The following HERC3 variants were observed in gnomAD, a reference collection of about 807,000 sequenced individuals.
HERC3 encodes the protein HECT and RLD domain containing E3 ubiquitin protein ligase 3.
HERC3 carries 58 observed loss-of-function variants against 129.9 expected under a neutral mutation model. The observed-to-expected ratio is 0.45, with a 90% confidence interval of 0.36 to 0.56. The LOEUF is 0.56. Among genes scored for constraint, HERC3 ranks in the 20% least tolerant of loss-of-function variants. HERC3 has a pLI of 0.00. For missense variants in HERC3, 835 were observed against 1,244.2 expected, an observed-to-expected ratio of 0.67 and a Z score of 4.95; for synonymous variants, 430 against 451.0, an observed-to-expected ratio of 0.95 and a Z score of 0.59.
chr4:88,688,588 A>G (rs1003790319), intron 23 of HERC3, among the ~76,000 whole-genome samples: 1 of 152,202 alleles, frequency 6.6e-6, no homozygotes, highest in African/African-American at 2.4e-5. Context: ...ACTAATAGGA[A>G]ACAGAGTCTA....
intron 2 of HERC3, among the ~76,000 whole-genome samples, chr4:88,603,052 A>G (rs1158620232): frequency 6.6e-6 from 1 of 152,102 alleles, no homozygotes; most frequent in South Asian, 2.1e-4. Context: ...TGGGATTCTC[A>G]AAAGTAGTTA....
At chr4:88,642,906 G>A (rs1728272802) in intron 3 of HERC3, among the ~76,000 whole-genome samples, 1 of 151,880 alleles carries the variant, frequency 6.6e-6, no homozygotes, top group Non-Finnish European at 1.5e-5. Flanking sequence ...GGAAAGAATG[G>A]GGGCGGGGGG....
chr4:88,631,796 G>T (rs1578203376), intron 3 of HERC3, among the ~76,000 whole-genome samples: 1 of 152,298 alleles, frequency 6.6e-6, no homozygotes, highest in South Asian at 2.1e-4. Context: ...ACAAAGCAGG[G>T]AGAAAAAAGT....
chr4:88,536,458 TACTC>T, the HERC3 span, among the ~76,000 whole-genome samples: 9 of 152,102 alleles, frequency 5.9e-5, no homozygotes, highest in Non-Finnish European at 7.4e-5. Flanking sequence ...CCCCGACACA[TACTC>T]ACTCACTCAC....
the HERC3 span, among the ~76,000 whole-genome samples, chr4:88,561,769 C>A: frequency 6.6e-6 from 1 of 152,122 alleles, no homozygotes; most frequent in African/African-American, 2.4e-5. Context: ...CAAAGTTTGT[C>A]TTTCCATGCC....
intron 9 of HERC3, chr4:88,656,348 T>C (rs1053830992): frequency 1.1e-5 from 3 of 267,286 alleles, no homozygotes; most frequent in Non-Finnish European, 2.2e-5. Flanking sequence ...ACAGGGAGCA[T>C]GATGCAGCCA....
chr4:88,643,917 A>C (rs989160722), intron 3 of HERC3, among the ~76,000 whole-genome samples: 4 of 152,222 alleles, frequency 2.6e-5, no homozygotes, highest in African/African-American at 9.6e-5. Context: ...GTGTGTTAAG[A>C]GAATGAAAAA....
chr4:88,526,134 A>C, the HERC3 span, among the ~76,000 whole-genome samples: 1 of 152,262 alleles, frequency 6.6e-6, no homozygotes, highest in Non-Finnish European at 1.5e-5. Context: ...TTTAGCAATA[A>C]AATTATTTAT....
At chr4:88,703,859 C>A (rs747408560) in intron 23 of HERC3, among the ~76,000 whole-genome samples, 4 of 152,194 alleles carry the variant, frequency 2.6e-5, no homozygotes, top group Non-Finnish European at 4.4e-5. Context: ...TGGCCTGCTG[C>A]CCTTCCTATC....
intron 3 of HERC3, among the ~76,000 whole-genome samples, chr4:88,610,302 A>G (rs982742669): frequency 2.0e-5 from 3 of 151,964 alleles, no homozygotes; most frequent in African/African-American, 7.2e-5. Flanking sequence ...AAAATACAAA[A>G]ATTAGCCGGG....
At chr4:88,586,129 C>T in the HERC3 span, among the ~76,000 whole-genome samples, 5 of 152,148 alleles carry the variant, frequency 3.3e-5, 1 homozygote, top group African/African-American at 1.2e-4. Context: ...CTGTGTTTAG[C>T]TATGTTGCAC....
chr4:88,674,906 A>C (rs1460856175), intron 16 of HERC3, among the ~76,000 whole-genome samples: 3 of 152,214 alleles, frequency 2.0e-5, no homozygotes, highest in African/African-American at 7.2e-5. Flanking sequence ...GATTTTAATT[A>C]AAATTGCTTA....
chr4:88,534,687 T>TA, the HERC3 span, among the ~76,000 whole-genome samples: 1 of 152,090 alleles, frequency 6.6e-6, no homozygotes, highest in African/African-American at 2.4e-5. Context: ...CAGAAAAAAA[T>TA]AAAAAATTAA....
chr4:88,707,083 C>A lies in HERC3; in HGVS notation c.*123C>A. 1.3e-6 allele frequency: 1 copy of A among 755,034 alleles called. No homozygotes were observed. Among genetic ancestry groups the A allele is most frequent in the South Asian group, 1.8e-5 (1 of 55,054 alleles). 46.8% of individuals were successfully genotyped at this position (755,034 alleles called of 1,614,324 possible). On this transcript the variant is annotated 3_prime_UTR_variant, in exon 26 of 26. Transcript: ENST00000402738. ...CTAAGTGGGTTGGGACTTTTAAATACTGAGCCTGGTTGATGTGTTTCTGGG... is the reference window on the plus strand; with the variant it reads ...CTAAGTGGGTTGGGACTTTTAAATAATGAGCCTGGTTGATGTGTTTCTGGG...
At chr4:88,611,786 G>T (rs1271664345) in intron 3 of HERC3, among the ~76,000 whole-genome samples, 3 of 152,190 alleles carry the variant, frequency 2.0e-5, no homozygotes, top group Non-Finnish European at 2.9e-5. Context: ...GATTGGACTT[G>T]TTAATATTTC....
chr4:88,669,523 G>T (rs1228026884), intron 14 of HERC3, among the ~76,000 whole-genome samples: 1 of 152,136 alleles, frequency 6.6e-6, no homozygotes, highest in Non-Finnish European at 1.5e-5. Flanking sequence ...TAGGACATAA[G>T]AATGCTTTTT....
intron 3 of HERC3, among the ~76,000 whole-genome samples, chr4:88,638,617 A>C (rs1194528002): frequency 6.6e-6 from 1 of 152,226 alleles, no homozygotes; most frequent in African/African-American, 2.4e-5. Context: ...ATTTATGACA[A>C]ACCCACAGCC....
intron 23 of HERC3, chr4:88,696,036 A>G (rs1474477843): frequency 6.6e-6 from 1 of 152,650 alleles, no homozygotes; most frequent in Admixed American, 6.5e-5. Context: ...GAGTCTTTAC[A>G]TTAAATATAT....
chr4:88,604,856 G>A (rs1723442507), intron 2 of HERC3, among the ~76,000 whole-genome samples: 1 of 152,196 alleles, frequency 6.6e-6, no homozygotes, highest in Non-Finnish European at 1.5e-5. Flanking sequence ...ATAAGCCAAT[G>A]TAGTATGGTT....
Sources: allele counts gnomAD v4.1 joint callset (sites outside exome capture counted in the v4.1 genomes callset), GRCh38; gene constraint gnomAD v4.1.1; transcripts MANE v1.5; gene names NCBI Gene and HGNC (gene_info 2026-07-23, HGNC 2026-07-21).